SRGAP2: variants seen among roughly 807,000 people sequenced by gnomAD.
The protein encoded by SRGAP2 is SLIT-ROBO Rho GTPase activating protein 2.
In SRGAP2, 15 loss-of-function variants were observed where a neutral mutation model predicts 57.2. That is an observed-to-expected ratio of 0.26 (90% confidence interval 0.18 to 0.40). The LOEUF (loss-of-function observed/expected upper bound fraction) is 0.40. Among genes scored for constraint, SRGAP2 ranks in the 10% least tolerant of loss-of-function variants. SRGAP2 has a pLI of 1.00. For missense variants in SRGAP2, 520 were observed against 669.6 expected, an observed-to-expected ratio of 0.78 and a Z score of 2.47; for synonymous variants, 249 against 248.0, an observed-to-expected ratio of 1.00 and a Z score of -0.04.
At chr1:206,307,204 A>G (rs1672276353) in intron 3 of SRGAP2, among the ~76,000 whole-genome samples, 1 of 151,864 alleles carries the variant, frequency 6.6e-6, no homozygotes. Context: ...TGGTGTATTT[A>G]CAATCCTTGA....
chr1:206,306,469 C>A (rs1464453194), intron 3 of SRGAP2, among the ~76,000 whole-genome samples: 1 of 152,154 alleles, frequency 6.6e-6, no homozygotes, highest in African/African-American at 2.4e-5. Flanking sequence ...CTCATAAAAG[C>A]AGCGTGGACC....
chr1:206,418,082 GAT>G (rs1659903209), intron 11 of SRGAP2, among the ~76,000 whole-genome samples: 1 of 151,040 alleles, frequency 6.6e-6, no homozygotes, highest in Non-Finnish European at 1.5e-5. Context: ...TTAATCTAAA[GAT>G]GACAAGTTCT....
At chr1:206,375,252 C>T (rs1655093826) in intron 4 of SRGAP2, among the ~76,000 whole-genome samples, 1 of 152,144 alleles carries the variant, frequency 6.6e-6, no homozygotes, top group African/African-American at 2.4e-5. Flanking sequence ...CTCGTGCTGC[C>T]TGTTTGCTTT....
intron 2 of SRGAP2, among the ~76,000 whole-genome samples, chr1:206,273,319 T>C (rs1267928578): frequency 1.4e-5 from 2 of 146,034 alleles, no homozygotes; most frequent in African/African-American, 2.8e-5. Context: ...GCAGAAGGAG[T>C]GGTGTGTACC....
At chr1:206,303,195 G>A in intron 2 of SRGAP2, 86 bp from the exon 3 acceptor site, 2 of 739,434 alleles carry the variant, frequency 2.7e-6, no homozygotes, top group Admixed American at 3.4e-5. Flanking sequence ...CGGGGAATAA[G>A]TAAGTGGAAG....
intron 13 of SRGAP2, 46 bp from the exon 14 acceptor site, chr1:206,430,116 T>C (rs1553367821): frequency 1.3e-6 from 1 of 780,252 alleles, no homozygotes; most frequent in Non-Finnish European, 2.4e-6. Context: ...CCCTGGGCTA[T>C]CCCTGTTTGA....
intron 11 of SRGAP2, among the ~76,000 whole-genome samples, chr1:206,418,439 A>G (rs1192163405): frequency 2.0e-5 from 3 of 152,224 alleles, no homozygotes; most frequent in East Asian, 1.9e-4. Flanking sequence ...TGCCTTTGCA[A>G]GAGCTTGGAT....
chr1:206,329,629 T>A (rs1392418795), intron 3 of SRGAP2, among the ~76,000 whole-genome samples: 2 of 134,192 alleles, frequency 1.5e-5, no homozygotes, highest in Non-Finnish European at 3.2e-5. Context: ...TGTATAAGAA[T>A]GCTTGTGATT....
chr1:206,292,108 G>A (rs1314757659), intron 2 of SRGAP2, among the ~76,000 whole-genome samples: 2 of 152,064 alleles, frequency 1.3e-5, no homozygotes, highest in African/African-American at 4.8e-5. Context: ...GTTGACTATA[G>A]CTTCATGAGA....
At position 206,346,963 on chromosome 1, in the gene SRGAP2, C is replaced by T. The variant is rs1361934590; in HGVS notation, c.423+3955C>T. Among the ~76,000 whole-genome samples, 3 of 151,294 alleles carry T rather than the reference C, an allele frequency of 2.0e-5. No homozygotes were observed. In the East Asian group the frequency reaches 5.8e-4, roughly 29 times the overall value. ...TATGGCTTAAAGAGATTAAGCAGGCCAGGCACAGTGGCTCAAGCCTGTAAT... is the reference window on the plus strand; with the variant it reads ...TATGGCTTAAAGAGATTAAGCAGGCTAGGCACAGTGGCTCAAGCCTGTAAT... On this transcript the variant is annotated intron_variant, in intron 4 of 22. Coordinates refer to ENST00000573034, the MANE Select transcript of SRGAP2 (RefSeq NM_015326.5).
At chr1:206,278,653 TG>T (rs1465920944) in intron 2 of SRGAP2, among the ~76,000 whole-genome samples, 1,592 of 147,146 alleles carry the variant, frequency 0.011, 45 homozygotes, top group African/African-American at 0.039. Flanking sequence ...GAGCTACCTG[TG>T]CCTGGCCCAG....
intron 4 of SRGAP2, among the ~76,000 whole-genome samples, chr1:206,353,778 A>G (rs1676218733): frequency 6.7e-6 from 1 of 149,364 alleles, no homozygotes; most frequent in Non-Finnish European, 1.5e-5. Context: ...ATGCCATCCA[A>G]TGAATTTTTT....
chr1:206,359,039 T>A (rs1676686404), intron 4 of SRGAP2, among the ~76,000 whole-genome samples: 1 of 152,188 alleles, frequency 6.6e-6, no homozygotes, highest in Non-Finnish European at 1.5e-5. Context: ...GGGAAAGAAT[T>A]GGGCCGATGT....
intron 18 of SRGAP2, among the ~76,000 whole-genome samples, chr1:206,449,310 T>TTA (rs1663052241): frequency 7.5e-6 from 1 of 133,918 alleles, no homozygotes; most frequent in African/African-American, 2.8e-5. Flanking sequence ...TTTTTTTTTT[T>TTA]AGACAGGATC....
At chr1:206,294,606 A>ATTATTGCTC (rs1671487160) in intron 2 of SRGAP2, among the ~76,000 whole-genome samples, 1 of 139,012 alleles carries the variant, frequency 7.2e-6, no homozygotes, top group African/African-American at 3.2e-5. Context: ...CATGGGCTCT[A>ATTATTGCTC]AAGTACGTGT....
At chr1:206,301,278 G>A (rs1553618579) in intron 2 of SRGAP2, among the ~76,000 whole-genome samples, 9 of 151,918 alleles carry the variant, frequency 5.9e-5, no homozygotes, top group African/African-American at 1.2e-4. Context: ...CTTGTGATCC[G>A]CCCGCCTCGG....
intron 17 of SRGAP2, among the ~76,000 whole-genome samples, chr1:206,441,048 G>C (rs937773107): frequency 6.6e-6 from 1 of 152,120 alleles, no homozygotes; most frequent in Non-Finnish European, 1.5e-5. Flanking sequence ...AGCATTAACA[G>C]GATTTGCCCA....
chr1:206,430,030 C>T, intron 13 of SRGAP2, 132 bp from the exon 14 acceptor site: 1 of 673,670 alleles, frequency 1.5e-6, no homozygotes, highest in Non-Finnish European at 2.8e-6. Flanking sequence ...ACTTGGAGGA[C>T]AGGCCAGGTG....
intron 10 of SRGAP2, among the ~76,000 whole-genome samples, chr1:206,410,828 C>A (rs1326913164): frequency 6.6e-6 from 1 of 152,122 alleles, no homozygotes; most frequent in East Asian, 1.9e-4. Flanking sequence ...CAAGGTTTAC[C>A]AAAGCTTTAT....
Sources: allele counts gnomAD v4.1 joint callset (sites outside exome capture counted in the v4.1 genomes callset), GRCh38; gene constraint gnomAD v4.1.1; transcripts MANE v1.5; gene names NCBI Gene and HGNC (gene_info 2026-07-23, HGNC 2026-07-21).